Variants in BICD1 observed in about 807,000 individuals in gnomAD.
BICD1 encodes the protein BICD cargo adaptor 1, also known as protein bicaudal D homolog 1.
BICD1 carries 35 observed loss-of-function variants against 92.5 expected under a neutral mutation model. The observed-to-expected ratio is 0.38, with a 90% CI of 0.29 to 0.50. The LOEUF (loss-of-function observed/expected upper bound fraction) is 0.50. BICD1 is among the 20% of genes least tolerant of loss of function. BICD1 has a pLI of 0.93. For synonymous variants in BICD1, 429 were observed against 465.1 expected (o/e 0.92, Z 1.00); for missense variants, 950 against 1,189.8 (o/e 0.80, Z 2.97).
Position 32,310,371 on chromosome 12 carries a change from G to A in BICD1, c.1005+4249G>A, listed in dbSNP as rs533630814. ...AAATGACATTGTGGGAGAGGCAATC[G>A]GTCAAATCCTACCTGCCTTTGAACG... On this transcript the variant is annotated intron_variant, in intron 4 of 9. Coordinates refer to ENST00000652176, the MANE Select transcript of BICD1 (RefSeq NM_001714.4). 4.6e-5 allele frequency among the ~76,000 whole-genome samples: 7 copies of A among 152,230 alleles called. No homozygotes were observed. The South Asian group carries it at 1.2e-3, about 27-fold the overall frequency.
At chr12:32,129,196 A>T (rs2121285431) in intron 1 of BICD1, among the ~76,000 whole-genome samples, 1 of 151,200 alleles carries the variant, frequency 6.6e-6, no homozygotes, top group East Asian at 2.0e-4. Flanking sequence ...CAGCTCCCCA[A>T]AGTGCTGGGG....
chr12:32,111,471 A>G (rs1941688897), intron 1 of BICD1, among the ~76,000 whole-genome samples: 1 of 152,210 alleles, frequency 6.6e-6, no homozygotes, highest in East Asian at 1.9e-4. Flanking sequence ...TTTAAGTTCT[A>G]AATCACAAAA....
intron 8 of BICD1, among the ~76,000 whole-genome samples, chr12:32,365,254 T>C (rs1389306091): frequency 6.6e-6 from 1 of 151,864 alleles, no homozygotes; most frequent in Non-Finnish European, 1.5e-5. Context: ...TAAAATAAAA[T>C]AAAAAATAAA....
chr12:32,216,138 G>A lies in BICD1; in HGVS notation c.214-109G>A, dbSNP rs1205032938. The A allele has an allele frequency of 2.0e-5, 22 of 1,073,288 alleles. No homozygotes were observed. In the South Asian group the frequency reaches 2.5e-4, roughly 12 times the overall value. 66.5% of individuals were successfully genotyped at this position (1,073,288 alleles called of 1,614,324 possible). On this transcript the variant is annotated intron_variant, in intron 1 of 9. Coordinates refer to ENST00000652176, the MANE Select transcript of BICD1 (RefSeq NM_001714.4). ...ACTGTTATATTTCGGGGGTCTTGCA[G>A]GGTAGCTTTTCTTACACATATAAGC...
rs930832809 is a variant in BICD1, at chr12:32,293,876, A to G, written c.427-118A>G. 17 of 1,027,234 alleles carry G rather than the reference A, an allele frequency of 1.7e-5. No individual in the cohort carries two copies. In the Admixed American group the frequency reaches 1.7e-4, roughly 11 times the overall value. The allele number at this position is 1,027,234 out of a possible 1,614,324, so 63.6% of individuals were successfully genotyped here. On this transcript the variant is annotated intron_variant, in intron 2 of 9. Transcript: ENST00000652176. ...ACTAAATTGCCATTCGAAAAAATGC[A>G]GTAACAATTTACACCCCATGAGGTG... is the stretch of plus-strand genomic sequence containing the variant.
In BICD1 at chr12:32,148,818, C is replaced by G. The variant is rs1019832809; in HGVS notation, c.213+41274C>G. 4.6e-5 allele frequency among the ~76,000 whole-genome samples: 7 copies of G among 152,062 alleles called. No homozygotes were observed. The East Asian group carries it at 1.4e-3, about 29-fold the overall frequency. The stretch of plus-strand genomic sequence containing the variant: ...GAGAAACACTTGAGGTCAGGAGTTT[C>G]AGACCAGCCTAGGCAACATGGTGAA... On this transcript the variant is annotated intron_variant, in intron 1 of 9. Transcript: ENST00000652176.
intron 6 of BICD1, among the ~76,000 whole-genome samples, chr12:32,335,908 T>C (rs1938099966): frequency 6.6e-6 from 1 of 152,136 alleles, no homozygotes; most frequent in Admixed American, 6.5e-5. Flanking sequence ...GTGTATCTTG[T>C]ATGATGCAAA....
rs1448844338 is a variant in BICD1 at position 32,358,915 on chromosome 12, C to A, written c.2765-8755C>A. Among the ~76,000 whole-genome samples, 3 of 152,096 alleles carry A rather than the reference C, an allele frequency of 2.0e-5. No homozygotes were observed. In the South Asian group the frequency reaches 6.2e-4, roughly 31 times the overall value. ...ATTACATATTACCATTATTTCTCAT[C>A]CTTCTTTCTTCTACATTTCTTCTGC... is the stretch of plus-strand genomic sequence containing the variant. On this transcript the variant is annotated intron_variant, in intron 8 of 9. Coordinates refer to ENST00000652176, the MANE Select transcript of BICD1 (RefSeq NM_001714.4).
At chr12:32,331,331 C>T (rs1247368640) in intron 5 of BICD1, among the ~76,000 whole-genome samples, 3 of 152,104 alleles carry the variant, frequency 2.0e-5, no homozygotes, top group Admixed American at 2.0e-4. Flanking sequence ...CAAGACAGGA[C>T]TTATCAAGCA....
chr12:32,293,873 T>A, intron 2 of BICD1, 121 bp from the exon 3 acceptor site: 1 of 1,003,562 alleles, frequency 1.0e-6, no homozygotes, highest in Non-Finnish European at 1.4e-6. Flanking sequence ...TTCGAAAAAA[T>A]GCAGTAACAA....
At chr12:32,160,051 C>G (rs1302737085) in intron 1 of BICD1, among the ~76,000 whole-genome samples, 1 of 115,196 alleles carries the variant, frequency 8.7e-6, no homozygotes, top group Non-Finnish European at 2.2e-5. Context: ...TAATAATATC[C>G]TGTTGTTGTG....
chr12:32,237,754 A>G (rs1010663523), intron 2 of BICD1, among the ~76,000 whole-genome samples: 13 of 152,300 alleles, frequency 8.5e-5, no homozygotes, highest in African/African-American at 3.1e-4. Flanking sequence ...CCACTCAGAA[A>G]AAAAGGTTCC....
chr12:32,198,283 T>C (rs1453330059), intron 1 of BICD1, among the ~76,000 whole-genome samples: 1 of 142,638 alleles, frequency 7.0e-6, no homozygotes, highest in East Asian at 2.1e-4. Flanking sequence ...CACAGACTTT[T>C]TAGTAAATCT....
At chr12:32,133,492 A>C (rs1942629627) in intron 1 of BICD1, among the ~76,000 whole-genome samples, 1 of 147,346 alleles carries the variant, frequency 6.8e-6, no homozygotes, top group Non-Finnish European at 1.5e-5. Context: ...CATCTGGGAA[A>C]AAAAAAAAAG....
intron 1 of BICD1, among the ~76,000 whole-genome samples, chr12:32,213,741 C>T (rs1217893493): frequency 6.6e-6 from 1 of 152,186 alleles, no homozygotes; most frequent in Admixed American, 6.5e-5. Flanking sequence ...CAGTATGTCT[C>T]ATTGCTGTTG....
At chr12:32,168,950 G>A (rs1024514444) in intron 1 of BICD1, among the ~76,000 whole-genome samples, 6 of 95,196 alleles carry the variant, frequency 6.3e-5, no homozygotes, top group African/African-American at 2.1e-4. Context: ...CAACAAGAGC[G>A]AAACTTCATC....
chr12:32,107,456 TGGA>T lies in BICD1; in HGVS notation c.130_132del (p.Glu44del), dbSNP rs762572979. ...GCTGCCGAGTACGGGCTGGTGGTGC[TGGA>T]GGAGAAGCTGACCCTCAAACAGCAG... On this transcript the variant is annotated inframe_deletion, in exon 1 of 10. Transcript: ENST00000652176. The T allele has an allele frequency of 6.2e-7, 1 of 1,611,380 alleles. No homozygotes were observed. The highest frequency in any genetic ancestry group is 1.1e-5 in the South Asian group (1 of 90,138).
At chr12:32,340,257 T>C in intron 8 of BICD1, 1 of 985,404 alleles carries the variant, frequency 1.0e-6, no homozygotes, top group Non-Finnish European at 1.2e-6. Context: ...AGGAAATTGG[T>C]AGTGATAATG....
chr12:32,280,126 TGA>T (rs1947377488), intron 2 of BICD1, among the ~76,000 whole-genome samples: 3 of 131,232 alleles, frequency 2.3e-5, no homozygotes, highest in Non-Finnish European at 5.2e-5. Context: ...AAAAATAAAG[TGA>T]AAATTATGCA....
Sources: gnomAD v4.1 joint callset for allele counts (sites outside exome capture counted in the v4.1 genomes callset) on GRCh38, gnomAD v4.1.1 for gene constraint, MANE v1.5 for transcripts, NCBI Gene and HGNC (gene_info 2026-07-23, HGNC 2026-07-21) for gene names.